Variants in SPAG16 observed in about 807,000 individuals in gnomAD.
The protein encoded by SPAG16 is sperm associated antigen 16.
A neutral mutation model predicts 80.4 loss-of-function variants in SPAG16; 86 were observed. That is an observed-to-expected ratio of 1.07 (90% confidence interval 0.90 to 1.28). The LOEUF (loss-of-function observed/expected upper bound fraction) is 1.28, where lower values mean the gene tolerates loss of function less well. SPAG16 is among the 50% of genes most tolerant of loss of function. The pLI, the probability that SPAG16 is intolerant of heterozygous loss-of-function variation, is 0.00. For missense variants in SPAG16, 870 were observed against 765.3 expected (o/e 1.14, Z -1.61); for synonymous variants, 294 against 265.9 (o/e 1.11, Z -1.03).
At chr2:213,299,041 G>T (rs2062616707) in intron 3 of SPAG16, among the ~76,000 whole-genome samples, 1 of 151,872 alleles carries the variant, frequency 6.6e-6, no homozygotes, top group Non-Finnish European at 1.5e-5. Context: ...AATACTTATT[G>T]CTTGTTAAAT....
chr2:214,322,330 A>G (rs1310459588), intron 15 of SPAG16, among the ~76,000 whole-genome samples: 1 of 152,154 alleles, frequency 6.6e-6, no homozygotes, highest in Non-Finnish European at 1.5e-5. Context: ...TGTTCTTGCT[A>G]CTTGGTTTAT....
intron 15 of SPAG16, among the ~76,000 whole-genome samples, chr2:214,250,757 T>TATATATATAG (rs1475343777): frequency 2.7e-4 from 25 of 91,274 alleles, no homozygotes; most frequent in African/African-American, 1.0e-3. Context: ...TATATATATA[T>TATATATATAG]AGAGAGAGAG....
At chr2:214,365,660 T>C (rs371220465) in intron 15 of SPAG16, among the ~76,000 whole-genome samples, 6 of 152,294 alleles carry the variant, frequency 3.9e-5, no homozygotes, top group East Asian at 3.9e-4. Flanking sequence ...TAAAGGTGAC[T>C]GATGCTCATT....
intron 15 of SPAG16, chr2:214,238,137 A>C: frequency 2.4e-6 from 1 of 411,020 alleles, no homozygotes; most frequent in Non-Finnish European, 4.7e-6. Flanking sequence ...TTATTTCAGA[A>C]AATACCACGT....
chr2:213,990,996 A>AT (rs753547790), intron 12 of SPAG16, among the ~76,000 whole-genome samples: 117 of 150,918 alleles, frequency 7.8e-4, no homozygotes, highest in South Asian at 1.3e-3. Flanking sequence ...AAATCCACTT[A>AT]TTTTTTTTTC....
At chr2:213,963,485 C>G (rs2044559202) in intron 12 of SPAG16, among the ~76,000 whole-genome samples, 1 of 152,080 alleles carries the variant, frequency 6.6e-6, no homozygotes, top group Admixed American at 6.6e-5. Flanking sequence ...GGAAAATGAT[C>G]TGTTGTACTT....
chr2:214,160,936 A>AT (rs2125601620), intron 15 of SPAG16, among the ~76,000 whole-genome samples: 1 of 151,912 alleles, frequency 6.6e-6, no homozygotes, highest in African/African-American at 2.4e-5. Flanking sequence ...TGCACTAAAC[A>AT]TTTTTCTCAA....
chr2:214,020,553 T>C lies in SPAG16; in HGVS notation c.1527+6476T>C, dbSNP rs556655907. The stretch of plus-strand genomic sequence containing the variant: ...ATTCTGATTTAATAATTTTAATTAA[T>C]GACTGTAATTCAGTGATTCACAAGT... On this transcript the variant is annotated intron_variant, in intron 13 of 15. Transcript: ENST00000331683. Among the ~76,000 whole-genome samples the C allele has an allele frequency of 2.8e-4, 42 of 152,284 alleles. 1 individual carries two copies. The South Asian group carries it at 6.6e-3, about 24-fold the overall frequency.
At chr2:213,302,747 G>A (rs543843484) in intron 3 of SPAG16, among the ~76,000 whole-genome samples, 3 of 152,120 alleles carry the variant, frequency 2.0e-5, no homozygotes, top group Admixed American at 2.0e-4. Flanking sequence ...AACCAACACA[G>A]TTTAAGGTGG....
chr2:213,869,518 C>T (rs1477121667), intron 11 of SPAG16, among the ~76,000 whole-genome samples: 1 of 151,394 alleles, frequency 6.6e-6, no homozygotes, highest in Non-Finnish European at 1.5e-5. Context: ...TGACATGCCT[C>T]TGTTAAGTAA....
chr2:213,472,245 C>T (rs1265187605), intron 9 of SPAG16, among the ~76,000 whole-genome samples: 2 of 151,954 alleles, frequency 1.3e-5, no homozygotes, highest in South Asian at 2.1e-4. Flanking sequence ...GCCTTATGGA[C>T]AGGAATGGAG....
chr2:213,910,511 C>T lies in SPAG16; in HGVS notation c.1215-19449C>T, dbSNP rs1365482595. On this transcript the variant is annotated intron_variant, in intron 11 of 15. Coordinates refer to ENST00000331683, the MANE Select transcript of SPAG16 (RefSeq NM_024532.5). ...TTCTTTTTTTTTTTTTTTTTTGAGA[C>T]GGAGTCTCGCTCTGTCGCCCAGGCT... 1.6e-4 allele frequency among the ~76,000 whole-genome samples: 4 copies of T among 24,466 alleles called. 1 individual carries two copies. The highest frequency in any genetic ancestry group is 1.5e-4 in the African/African-American group (2 of 13,516). The allele number at this position is 24,466 out of a possible 152,430, so 16.1% of individuals were successfully genotyped here. A position where few individuals can be genotyped will look rare whatever the true frequency, so the allele number is the denominator to read the frequency against.
At chr2:213,651,720 T>C (rs897390067) in intron 10 of SPAG16, among the ~76,000 whole-genome samples, 3 of 152,282 alleles carry the variant, frequency 2.0e-5, no homozygotes, top group Admixed American at 6.5e-5. Context: ...TAATTTAGTC[T>C]AGGCAAGTCT....
chr2:214,119,317 A>G (rs2125449203), intron 14 of SPAG16, among the ~76,000 whole-genome samples: 1 of 152,258 alleles, frequency 6.6e-6, no homozygotes, highest in South Asian at 2.1e-4. Context: ...TTTTAAAGTA[A>G]TCTGTCATGA....
chr2:213,908,736 A>G (rs1382706817), intron 11 of SPAG16, among the ~76,000 whole-genome samples: 3 of 142,514 alleles, frequency 2.1e-5, no homozygotes, highest in Non-Finnish European at 3.0e-5. Flanking sequence ...CAGGAAACCA[A>G]CCAAGATCAT....
At chr2:213,906,649 A>G (rs1004168239) in intron 11 of SPAG16, among the ~76,000 whole-genome samples, 1 of 152,206 alleles carries the variant, frequency 6.6e-6, no homozygotes, top group East Asian at 1.9e-4. Flanking sequence ...ACAGCTTGAT[A>G]TTGGTATAAA....
chr2:213,513,379 T>G (rs1358417766), intron 10 of SPAG16, among the ~76,000 whole-genome samples: 1 of 152,206 alleles, frequency 6.6e-6, no homozygotes, highest in Non-Finnish European at 1.5e-5. Flanking sequence ...ATATTCCATT[T>G]CTATGCATGT....
At chr2:214,138,891 C>A (rs2055201563) in intron 14 of SPAG16, among the ~76,000 whole-genome samples, 1 of 152,000 alleles carries the variant, frequency 6.6e-6, no homozygotes, top group Admixed American at 6.6e-5. Context: ...ATGAGGACAC[C>A]AGCTACAGTG....
rs770163812 is a variant in SPAG16, at chr2:214,126,059, C to CT, written c.1593+17821dup. On this transcript the variant is annotated intron_variant, in intron 14 of 15. Coordinates refer to ENST00000331683, the MANE Select transcript of SPAG16 (RefSeq NM_024532.5). ...CCTTCCTTCCTTCCTTCCTTCCTTC[C>CT]TTTTTTTTTTTTTTTTTTTTTTTGG... is the stretch of plus-strand genomic sequence containing the variant. Among the ~76,000 whole-genome samples, 5 of 11,378 alleles carry CT rather than the reference C, an allele frequency of 4.4e-4. 1 individual carries two copies. Among genetic ancestry groups the CT allele is most frequent in the African/African-American group, 2.2e-3 (5 of 2,278 alleles). The allele number at this position is 11,378 out of a possible 152,430, so 7.5% of individuals were successfully genotyped here. A position where few individuals can be genotyped will look rare whatever the true frequency, so the allele number is the denominator to read the frequency against.
Sources: allele counts gnomAD v4.1 joint callset (sites outside exome capture counted in the v4.1 genomes callset), GRCh38; gene constraint gnomAD v4.1.1; transcripts MANE v1.5; gene names NCBI Gene and HGNC (gene_info 2026-07-23, HGNC 2026-07-21).